The following POU6F2 variants were observed in gnomAD, a reference collection of about 807,000 sequenced individuals.
The protein encoded by POU6F2 is POU domain, class 6, transcription factor 2.
A neutral mutation model predicts 71.3 loss-of-function variants in POU6F2; 31 were observed. The observed-to-expected ratio is 0.43, with a 90% CI of 0.33 to 0.59. POU6F2 has a LOEUF of 0.59. Ranked by LOEUF, POU6F2 falls within the 20% of genes least tolerant of loss-of-function variation. POU6F2 has a pLI of 0.04. For missense variants in POU6F2, 783 were observed against 856.8 expected, an observed-to-expected ratio of 0.91 and a Z score of 1.07; for synonymous variants, 347 against 355.7, an observed-to-expected ratio of 0.98 and a Z score of 0.27.
At chr7:38,986,838 AC>A (rs1300969710) in intron 1 of POU6F2, among the ~76,000 whole-genome samples, 3 of 152,252 alleles carry the variant, frequency 2.0e-5, no homozygotes, top group Middle Eastern at 3.4e-3. Context: ...TCCTTACACA[AC>A]CCAAGTAGAA....
intron 4 of POU6F2, among the ~76,000 whole-genome samples, chr7:39,216,576 TTC>T (rs950143283): frequency 2.0e-5 from 3 of 152,136 alleles, no homozygotes; most frequent in African/African-American, 7.2e-5. Context: ...GATGCAACTG[TTC>T]TCTGTCTAGA....
chr7:39,046,175 T>C (rs1790287081), intron 1 of POU6F2, among the ~76,000 whole-genome samples: 3 of 151,956 alleles, frequency 2.0e-5, no homozygotes, highest in African/African-American at 2.4e-5. Flanking sequence ...TGGTATCTCA[T>C]TGTGGTTTAA....
At chr7:39,321,373 G>A (rs1341010813) in intron 4 of POU6F2, among the ~76,000 whole-genome samples, 1 of 152,180 alleles carries the variant, frequency 6.6e-6, no homozygotes, top group Non-Finnish European at 1.5e-5. Flanking sequence ...GAGCTAAGGG[G>A]TCATTTCAGA....
intron 4 of POU6F2, among the ~76,000 whole-genome samples, chr7:39,327,749 A>G (rs1291505542): frequency 6.6e-6 from 1 of 151,872 alleles, no homozygotes; most frequent in Non-Finnish European, 1.5e-5. Flanking sequence ...TTCATTTGTA[A>G]AACAGTCATG....
intron 4 of POU6F2, among the ~76,000 whole-genome samples, chr7:39,277,581 A>G (rs544605223): frequency 1.3e-5 from 2 of 152,340 alleles, no homozygotes; most frequent in East Asian, 3.9e-4. Flanking sequence ...GCCCTGGGGA[A>G]GTATGGAGTG....
intron 7 of POU6F2, among the ~76,000 whole-genome samples, chr7:39,440,151 TTA>T (rs1788362726): frequency 6.6e-6 from 1 of 152,110 alleles, no homozygotes; most frequent in African/African-American, 2.4e-5. Context: ...AATTTAATGG[TTA>T]TGTGTCTTGG....
chr7:39,027,472 G>T (rs999712783), intron 1 of POU6F2, among the ~76,000 whole-genome samples: 2 of 152,194 alleles, frequency 1.3e-5, no homozygotes, highest in Non-Finnish European at 2.9e-5. Flanking sequence ...GAGCACTGTG[G>T]TATGTCCTCA....
chr7:39,130,162 GT>G (rs1792238595), intron 2 of POU6F2, among the ~76,000 whole-genome samples: 1 of 151,068 alleles, frequency 6.6e-6, no homozygotes, highest in Non-Finnish European at 1.5e-5. Context: ...GTGTGTGTGT[GT>G]GTGTGTGTGT....
chr7:39,433,352 T>A, intron 7 of POU6F2, 69 bp downstream of exon 7: 3 of 1,543,702 alleles, frequency 1.9e-6, no homozygotes, highest in South Asian at 1.1e-5. Context: ...CTCTTTGGTC[T>A]CAATCAATGA....
chr7:39,458,770 C>T (rs745834557), intron 8 of POU6F2, among the ~76,000 whole-genome samples: 7 of 152,000 alleles, frequency 4.6e-5, no homozygotes, highest in Non-Finnish European at 1.0e-4. Flanking sequence ...CTGAAATATT[C>T]ACTACTCCTA....
rs150252059 is a variant in POU6F2 at position 39,397,553 on chromosome 7, C to T, written c.973-9047C>T. Reference sequence around the variant, plus strand: ...TTGTCACCAGGCTGGAGTACAATGGCGCAATCTGGACTTACTGCAACCTTC... The same window carrying T: ...TTGTCACCAGGCTGGAGTACAATGGTGCAATCTGGACTTACTGCAACCTTC... On this transcript the variant is annotated intron_variant, in intron 5 of 9. Transcript: ENST00000518318. Among the ~76,000 whole-genome samples, 831 of 147,666 alleles carry T rather than the reference C, an allele frequency of 5.6e-3. 10 individuals are homozygous for T. The highest frequency in any genetic ancestry group is 9.4e-3 in the Non-Finnish European group (628 of 67,118).
chr7:39,293,776 GT>G (rs1784804305), intron 4 of POU6F2, among the ~76,000 whole-genome samples: 1 of 152,194 alleles, frequency 6.6e-6, no homozygotes, highest in South Asian at 2.1e-4. Flanking sequence ...ACCCGTGACT[GT>G]TTTTAAAGTC....
intron 4 of POU6F2, among the ~76,000 whole-genome samples, chr7:39,212,005 AT>A (rs898060509): frequency 6.7e-6 from 1 of 150,066 alleles, no homozygotes; most frequent in Non-Finnish European, 1.5e-5. Context: ...CATCATCTTT[AT>A]CCTTATCTCC....
At chr7:39,201,808 A>G (rs1793910083) in intron 2 of POU6F2, among the ~76,000 whole-genome samples, 1 of 152,156 alleles carries the variant, frequency 6.6e-6, no homozygotes, top group South Asian at 2.1e-4. Context: ...AGCCAACGCC[A>G]TTTATTCATT....
At chr7:39,311,637 G>A (rs1785166623) in intron 4 of POU6F2, among the ~76,000 whole-genome samples, 1 of 152,328 alleles carries the variant, frequency 6.6e-6, no homozygotes, top group Non-Finnish European at 1.5e-5. Flanking sequence ...AGACCAGGCA[G>A]AAATAATTCA....
chr7:39,212,225 A>G (rs1562748918), intron 4 of POU6F2, among the ~76,000 whole-genome samples: 1 of 152,176 alleles, frequency 6.6e-6, no homozygotes, highest in Non-Finnish European at 1.5e-5. Context: ...CTTAAGAAAC[A>G]AGCTGAGCCT....
intron 4 of POU6F2, among the ~76,000 whole-genome samples, chr7:39,230,930 G>T (rs1794560830): frequency 6.6e-6 from 1 of 151,616 alleles, no homozygotes; most frequent in South Asian, 2.1e-4. Flanking sequence ...TTTCAACTGG[G>T]GGTGAGTCTT....
At chr7:39,051,571 A>C (rs1227838124) in intron 1 of POU6F2, among the ~76,000 whole-genome samples, 5 of 152,162 alleles carry the variant, frequency 3.3e-5, no homozygotes, top group Non-Finnish European at 7.4e-5. Flanking sequence ...GAAAAGCCAA[A>C]GCTCTAGGTG....
intron 1 of POU6F2, among the ~76,000 whole-genome samples, chr7:39,050,617 G>T (rs940997780): frequency 2.6e-5 from 4 of 152,148 alleles, no homozygotes; most frequent in African/African-American, 9.7e-5. Context: ...ATCAAAATTT[G>T]TTGTCCTAAT....
Sources: allele counts gnomAD v4.1 joint callset (sites outside exome capture counted in the v4.1 genomes callset), GRCh38; gene constraint gnomAD v4.1.1; transcripts MANE v1.5; gene names NCBI Gene and HGNC (gene_info 2026-07-23, HGNC 2026-07-21).